The following ZFHX4 variants were observed in gnomAD, a reference collection of about 807,000 sequenced individuals.
ZFHX4 encodes zinc finger homeobox 4, also known as zinc finger homeobox protein 4.
Under a neutral mutation model 267.6 loss-of-function variants are expected in ZFHX4, and 56 were observed. The ratio of observed to expected loss-of-function variants is 0.21; its 90% CI spans 0.17 to 0.26. The LOEUF (loss-of-function observed/expected upper bound fraction) is 0.26. Among genes scored for constraint, ZFHX4 ranks in the 10% least tolerant of loss-of-function variants. The pLI, the probability that ZFHX4 is intolerant of heterozygous loss-of-function variation, is 1.00. For synonymous variants in ZFHX4, 1,778 were observed against 1,665.6 expected, an observed-to-expected ratio of 1.07 and a Z score of -1.64; for missense variants, 4,332 against 4,420.0, an observed-to-expected ratio of 0.98 and a Z score of 0.56.
rs191596643 is a variant in ZFHX4 at position 76,852,503 on chromosome 8, T to G, written c.5582T>G (p.Ile1861Ser). The change falls in exon 10 of 11, where the codon ATT becomes AGT. Residue 1861 changes from isoleucine (I) to serine (S), a missense_variant. Physicochemically the swap from Ile to Ser is moderately radical, Grantham distance 142 (BLOSUM62 -2). Coordinates refer to ENST00000651372, the MANE Select transcript of ZFHX4 (RefSeq NM_024721.5). ...CCATCTTATAAGGAGGCAGAAGATA[T>G]TTCTGAAAAGCCAGAAAAACCAAAG... ...DVPSYKEAEDISEKPEKPKQE... is the reference protein window; with the variant it reads ...DVPSYKEAEDSSEKPEKPKQE... 542 of 1,602,586 alleles carry G rather than the reference T, an allele frequency of 3.4e-4. 1 individual carries two copies. In the African/African-American group the frequency reaches 6.0e-3, roughly 18 times the overall value.
chr8:76,827,810 G>A (rs1811826525), intron 4 of ZFHX4, among the ~76,000 whole-genome samples: 1 of 152,062 alleles, frequency 6.6e-6, no homozygotes, highest in African/African-American at 2.4e-5. Context: ...ATAACTTCTG[G>A]GTAAAAACAG....
chr8:76,759,990 A>T (rs1809867900), intron 3 of ZFHX4, among the ~76,000 whole-genome samples: 1 of 152,180 alleles, frequency 6.6e-6, no homozygotes, highest in South Asian at 2.1e-4. Flanking sequence ...GAAACCATAG[A>T]TATGGTCATT....
At position 76,842,834 on chromosome 8, in the gene ZFHX4, C is replaced by T. The variant is rs1236701568; in HGVS notation, c.3511+63C>T. The T allele has an allele frequency of 2.6e-6, 3 of 1,155,212 alleles. No individual in the cohort carries two copies. In the African/African-American group the frequency reaches 4.7e-5, roughly 18 times the overall value. 71.6% of individuals were successfully genotyped at this position (1,155,212 alleles called of 1,614,324 possible). On this transcript the variant is annotated intron_variant, in intron 6 of 10. Coordinates refer to ENST00000651372, the MANE Select transcript of ZFHX4 (RefSeq NM_024721.5). ...TACCCATTCCCTGCCATCAACTCTTCCTTCACCATCCCCCCACCCCACAAA... is the reference window on the plus strand; with the variant it reads ...TACCCATTCCCTGCCATCAACTCTTTCTTCACCATCCCCCCACCCCACAAA...
rs565444600 is a variant in ZFHX4, at chr8:76,746,757, G to T, written c.3094-31451G>T. Among the ~76,000 whole-genome samples the T allele has an allele frequency of 8.5e-5, 13 of 152,204 alleles. No individual in the cohort carries two copies. The South Asian group carries it at 2.7e-3, about 32-fold the overall frequency. On this transcript the variant is annotated intron_variant, in intron 3 of 10. Coordinates refer to ENST00000651372, the MANE Select transcript of ZFHX4 (RefSeq NM_024721.5). Reference sequence around the variant, plus strand: ...CCATAAAGTTTAAAAGCAAAACTAAGACTAAACAACCATGTAAGAAATAGA... The same window carrying T: ...CCATAAAGTTTAAAAGCAAAACTAATACTAAACAACCATGTAAGAAATAGA...
Position 76,851,604 on chromosome 8 carries a change from T to C in ZFHX4, c.4683T>C (p.Asn1561=). 1 of 1,613,868 alleles carries C rather than the reference T, an allele frequency of 6.2e-7. No individual in the cohort carries two copies. Among genetic ancestry groups the C allele is most frequent in the Non-Finnish European group, 8.5e-7 (1 of 1,179,842 alleles). The part of the protein sequence containing the change: ...TQKNILLVHY[N]SVSHLHKLKK... ...AGAACATTCTCTTGGTCCACTATAA[T>C]TCAGTTTCTCACTTGCATAAGCTGA... The change falls in exon 10 of 11, where the codon AAT becomes AAC. Residue 1561 remains asparagine, a synonymous_variant. Transcript: ENST00000651372.
chr8:76,760,341 T>C (rs1322274278), intron 3 of ZFHX4, among the ~76,000 whole-genome samples: 1 of 152,184 alleles, frequency 6.6e-6, no homozygotes, highest in Non-Finnish European at 1.5e-5. Context: ...ATTCATTCCT[T>C]TATTAATATG....
intron 3 of ZFHX4, among the ~76,000 whole-genome samples, 168 bp from the exon 4 acceptor site, chr8:76,778,040 A>C (rs1236811852): frequency 6.6e-6 from 1 of 152,080 alleles, no homozygotes; most frequent in Non-Finnish European, 1.5e-5. Flanking sequence ...ATGTATCTGC[A>C]CGGAATTAAT....
chr8:76,724,846 A>C (rs973353553), intron 3 of ZFHX4, among the ~76,000 whole-genome samples: 4 of 152,090 alleles, frequency 2.6e-5, no homozygotes, highest in Non-Finnish European at 5.9e-5. Context: ...ACTGGGTTAC[A>C]TGCTCATTTG....
chr8:76,834,012 C>G, intron 5 of ZFHX4: 1 of 284,914 alleles, frequency 3.5e-6, no homozygotes, highest in Non-Finnish European at 7.0e-6. Flanking sequence ...TGGTTTCATT[C>G]ACTTAGTAAT....
At position 76,706,762 on chromosome 8, in the gene ZFHX4, G is replaced by A. The variant is rs1385797589; in HGVS notation, c.2590+84G>A. 60 of 1,392,686 alleles carry A rather than the reference G, an allele frequency of 4.3e-5. No individual in the cohort carries two copies. The South Asian group carries it at 5.4e-4, about 12-fold the overall frequency. The allele number at this position is 1,392,686 out of a possible 1,614,324, so 86.3% of individuals were successfully genotyped here. A position where few individuals can be genotyped will look rare whatever the true frequency, so the allele number is the denominator to read the frequency against. On this transcript the variant is annotated intron_variant, in intron 2 of 10. Coordinates refer to ENST00000651372, the MANE Select transcript of ZFHX4 (RefSeq NM_024721.5). Reference sequence around the variant, plus strand: ...GTGATGCACCCAGATAAAATGGTGAGTGCCAACAAATTGAGGACAGCTTAC... The same window carrying A: ...GTGATGCACCCAGATAAAATGGTGAATGCCAACAAATTGAGGACAGCTTAC...
intron 4 of ZFHX4, among the ~76,000 whole-genome samples, chr8:76,804,910 G>A (rs1180628786): frequency 6.6e-6 from 1 of 151,948 alleles, no homozygotes; most frequent in Non-Finnish European, 1.5e-5. Context: ...ACTAGCCCCC[G>A]TTTGAGAGAT....
At chr8:76,736,287 C>T (rs1300261447) in intron 3 of ZFHX4, among the ~76,000 whole-genome samples, 2 of 151,184 alleles carry the variant, frequency 1.3e-5, no homozygotes, top group Admixed American at 6.6e-5. Flanking sequence ...TGAAAAAAAA[C>T]GAGATAAACT....
intron 4 of ZFHX4, among the ~76,000 whole-genome samples, chr8:76,818,004 G>A (rs1162990526): frequency 6.6e-6 from 1 of 152,174 alleles, no homozygotes; most frequent in Non-Finnish European, 1.5e-5. Flanking sequence ...AGATAGAAAA[G>A]TGAAAGTTCC....
rs1425956706 is a variant in ZFHX4 at position 76,850,894 on chromosome 8, C to A, written c.3973C>A (p.Pro1325Thr). 1 of 1,603,500 alleles carries A rather than the reference C, an allele frequency of 6.2e-7. No individual in the cohort carries two copies. The highest frequency in any genetic ancestry group is 1.1e-5 in the South Asian group (1 of 88,812). The change falls in exon 10 of 11, where the codon CCA becomes ACA. Residue 1325 changes from proline (P) to threonine (T), a missense_variant. Around this residue, in one of 7 missense-constraint regions of ZFHX4, gnomAD observed 1,371 missense variants for 1,423.1 expected, o/e 0.96. Transcript: ENST00000651372. The part of the protein sequence containing the change: ...EGSGKYSGES[P>T]MDDKSMAGLE... ...GTGCTTTTTCCTAATAGGTGAAAGT[C>A]CAATGGATGACAAAAGCATGGCAGG...
At chr8:76,804,390 T>A (rs1326340828) in intron 4 of ZFHX4, among the ~76,000 whole-genome samples, 1 of 152,142 alleles carries the variant, frequency 6.6e-6, no homozygotes, top group Admixed American at 6.6e-5. Context: ...AGCGAAGTAG[T>A]CATTTAATAT....
At position 76,864,308 on chromosome 8, in the gene ZFHX4, C is replaced by T; in HGVS notation, c.10594C>T (p.Gln3532Ter). ...GAAGTCCTGGCCTAATATCCTTTTCCAAGCGTCTGCCAGGAGAGCTGCTTC... is the reference window on the plus strand; with the variant it reads ...GAAGTCCTGGCCTAATATCCTTTTCTAAGCGTCTGCCAGGAGAGCTGCTTC... ...SMKSWPNILFQASARRAASPP... is the reference protein window; with the variant it reads ...SMKSWPNILF The change falls in exon 11 of 11, where the codon CAA becomes TAA. Residue 3532 changes from glutamine to a stop codon, truncating the protein, a stop_gained. Transcript: ENST00000651372. LOFTEE classifies it high-confidence loss of function. 1 of 1,613,846 alleles carries T rather than the reference C, an allele frequency of 6.2e-7. No individual in the cohort carries two copies. Among genetic ancestry groups the T allele is most frequent in the Non-Finnish European group, 8.5e-7 (1 of 1,179,846 alleles).
chr8:76,847,705 T>C (rs1430874913), intron 6 of ZFHX4, among the ~76,000 whole-genome samples: 1 of 152,144 alleles, frequency 6.6e-6, no homozygotes, highest in Non-Finnish European at 1.5e-5. Context: ...GTATAAAACA[T>C]GCATCTCTAT....
intron 8 of ZFHX4, 30 bp downstream of exon 8, chr8:76,849,742 G>A (rs746971335): frequency 1.9e-6 from 3 of 1,573,584 alleles, no homozygotes; most frequent in Non-Finnish European, 2.6e-6. Flanking sequence ...ATGCATGTGT[G>A]ACATAATCTG....
Position 76,681,483 on chromosome 8 carries a change from G to T in ZFHX4, c.-184G>T. The T allele has an allele frequency of 5.0e-6, 2 of 398,146 alleles. No homozygotes were observed. Among genetic ancestry groups the T allele is most frequent in the South Asian group, 2.6e-4 (2 of 7,780 alleles). The allele number at this position is 398,146 out of a possible 1,614,324, so 24.7% of individuals were successfully genotyped here. A position where few individuals can be genotyped will look rare whatever the true frequency, so the allele number is the denominator to read the frequency against. On this transcript the variant is annotated 5_prime_UTR_variant, in exon 1 of 11. Coordinates refer to ENST00000651372, the MANE Select transcript of ZFHX4 (RefSeq NM_024721.5). ...AGCGTTTTTATTTTCACCCAATAAA[G>T]TTCGAGGATTATTTTTTATTTTTTT... is the stretch of plus-strand genomic sequence containing the variant.
Sources: gnomAD v4.1 joint callset for allele counts (sites outside exome capture counted in the v4.1 genomes callset) on GRCh38, gnomAD v4.1.1 for gene constraint, gnomAD v4.1.1 regional missense constraint, MANE v1.5 for transcripts, NCBI Gene and HGNC (gene_info 2026-07-23, HGNC 2026-07-21) for gene names.